FLT1: variants seen among roughly 807,000 people sequenced by gnomAD.
FLT1 encodes the protein fms related receptor tyrosine kinase 1, also known as vascular endothelial growth factor receptor 1.
Under a neutral mutation model 156.3 loss-of-function variants are expected in FLT1, and 49 were observed. That is an observed-to-expected ratio of 0.31 (90% CI 0.25 to 0.40). The LOEUF (loss-of-function observed/expected upper bound fraction) is 0.40. Ranked by LOEUF, FLT1 falls within the 10% of genes least tolerant of loss-of-function variation. The pLI is 1.00. For synonymous variants in FLT1, 594 were observed against 583.8 expected (o/e 1.02, Z -0.25); for missense variants, 1,322 against 1,637.2 (o/e 0.81, Z 3.32).
chr13:28,411,377 AC>A (rs918244301), intron 10 of FLT1, among the ~76,000 whole-genome samples: 1 of 151,534 alleles, frequency 6.6e-6, no homozygotes, highest in African/African-American at 2.4e-5. Flanking sequence ...ATATGGAGAA[AC>A]CCTGTCTCTA....
At chr13:28,385,927 T>C (rs1874333432) in intron 13 of FLT1, 5 of 1,052,000 alleles carry the variant, frequency 4.8e-6, no homozygotes, top group Admixed American at 5.5e-5. Flanking sequence ...GGGTACTGGA[T>C]TGGTAGCTAA....
intron 1 of FLT1, among the ~76,000 whole-genome samples, chr13:28,481,442 T>TATAC (rs1880842326): frequency 7.0e-6 from 1 of 142,568 alleles, no homozygotes; most frequent in African/African-American, 2.6e-5. Context: ...CCTCCGCTTA[T>TATAC]ACACACACAC....
In FLT1 at chr13:28,446,336, T is replaced by C. The variant is rs577401321; in HGVS notation, c.389-7991A>G. 2.6e-5 allele frequency among the ~76,000 whole-genome samples: 4 copies of C among 152,252 alleles called. No homozygotes were observed. In the South Asian group the frequency reaches 8.3e-4, roughly 32 times the overall value. On this transcript the variant is annotated intron_variant, in intron 3 of 29. Transcript: ENST00000282397. ...ATTGGGCAAGAAAAATAAATCCAGA[T>C]TGGGAAGATCAAAATGGTACAGGTA...
chr13:28,388,055 T>C, intron 13 of FLT1: 1 of 1,058,954 alleles, frequency 9.4e-7, no homozygotes, highest in Non-Finnish European at 1.1e-6. Flanking sequence ...TAGCAACTAT[T>C]AAGGCCCCCA....
chr13:28,304,956 T>G (rs953188161), intron 29 of FLT1, among the ~76,000 whole-genome samples: 5 of 152,246 alleles, frequency 3.3e-5, no homozygotes, highest in Admixed American at 3.3e-4. Context: ...AGGTTGTTTC[T>G]ACTTTTGGCT....
Position 28,477,792 on chromosome 13 carries a change from C to T in FLT1, c.65-10175G>A, listed in dbSNP as rs143463988. Among the ~76,000 whole-genome samples, 37 of 152,256 alleles carry T rather than the reference C, an allele frequency of 2.4e-4. No homozygotes were observed. In the East Asian group the frequency reaches 5.2e-3, roughly 21 times the overall value. On this transcript the variant is annotated intron_variant, in intron 1 of 29. Coordinates refer to ENST00000282397, the MANE Select transcript of FLT1 (RefSeq NM_002019.4). ...GGTCTGAGAGGAAACTGAGCTCTGA[C>T]GTCACGTCTTATAGAATGGATCATA...
At chr13:28,303,669 A>G (rs1360223906) in intron 29 of FLT1, among the ~76,000 whole-genome samples, 1 of 152,168 alleles carries the variant, frequency 6.6e-6, no homozygotes, top group African/African-American at 2.4e-5. Flanking sequence ...ACTTGGGTGC[A>G]GCCCTCTCCT....
rs2138840537 is a variant in FLT1 at position 28,329,711 on chromosome 13, C to T, written c.2611G>A (p.Glu871Lys). ...AGCTCAGTCATCAGAGCTTTGTACT[C>T]GCTGGCCGTGGCCCCCTCTGTGTGA... The part of the protein sequence containing the change: ...KMLKEGATAS[E>K]YKALMTELKI... The change falls in exon 19 of 30, where the codon GAG becomes AAG. Residue 871 changes from glutamate (E) to lysine (K), a missense_variant. Physicochemically the swap from Glu to Lys is moderately conservative, Grantham distance 56. Coordinates refer to ENST00000282397, the MANE Select transcript of FLT1 (RefSeq NM_002019.4). 1 of 1,614,046 alleles carries T rather than the reference C, an allele frequency of 6.2e-7. No homozygotes were observed. Among genetic ancestry groups the T allele is most frequent in the Non-Finnish European group, 8.5e-7 (1 of 1,179,940 alleles).
intron 15 of FLT1, among the ~76,000 whole-genome samples, chr13:28,351,004 C>G (rs1872721543): frequency 6.6e-6 from 1 of 151,794 alleles, no homozygotes; most frequent in Admixed American, 6.6e-5. Flanking sequence ...ACACCCCTTA[C>G]TCCAACCCTT....
chr13:28,393,070 A>G (rs981624044), intron 12 of FLT1, among the ~76,000 whole-genome samples: 1 of 152,176 alleles, frequency 6.6e-6, no homozygotes. Flanking sequence ...AAGTGAAAAC[A>G]AGAAATCTTC....
chr13:28,486,282 C>T (rs1209321944), intron 1 of FLT1, among the ~76,000 whole-genome samples: 3 of 152,248 alleles, frequency 2.0e-5, no homozygotes, highest in African/African-American at 7.2e-5. Context: ...GGGAGGCCAG[C>T]TCTGTCTCCA....
At chr13:28,333,006 C>T (rs1185407633) in intron 18 of FLT1, among the ~76,000 whole-genome samples, 9 of 152,304 alleles carry the variant, frequency 5.9e-5, no homozygotes, top group Admixed American at 4.6e-4. Context: ...TCCCAGACTA[C>T]TTTCAGAGCA....
Position 28,308,881 on chromosome 13 carries a change from A to G in FLT1, c.3682T>C (p.Phe1228Leu). 6.2e-7 allele frequency: 1 copy of G among 1,612,948 alleles called. No individual in the cohort carries two copies. The highest frequency in any genetic ancestry group is 8.5e-7 in the Non-Finnish European group (1 of 1,178,882). ...GTGGCATTCGGTAAAAGTTCTTCAA[A>G]GGTTTTGATTCTTTCCAGGCTCATG... is the stretch of plus-strand genomic sequence containing the variant. ...KFMSLERIKT[F>L]EELLPNATSM... The change falls in exon 28 of 30, where the codon TTT becomes CTT. Residue 1228 changes from phenylalanine (F) to leucine (L), a missense_variant. This residue lies in a region of FLT1 where 329 missense variants were observed against 366.2 expected (regional missense o/e 0.90). Transcript: ENST00000282397.
intron 25 of FLT1, among the ~76,000 whole-genome samples, chr13:28,314,026 A>G (rs1305261345): frequency 2.0e-5 from 3 of 152,068 alleles, no homozygotes. Flanking sequence ...GTGAGACTTT[A>G]TCTCCACAAA....
chr13:28,467,625 A>G lies in FLT1; in HGVS notation c.65-8T>C, dbSNP rs1466675240. ...TTGAACCTGAACTAGATCCTGAAAA[A>G]CAAATTTTTAAAATGTATTATTTGT... On this transcript the variant is annotated splice_polypyrimidine_tract_variant and splice_region_variant and intron_variant, in intron 1 of 29. Transcript: ENST00000282397. The G allele has an allele frequency of 2.0e-6, 3 of 1,491,484 alleles. No individual in the cohort carries two copies. Among genetic ancestry groups the G allele is most frequent in the Non-Finnish European group, 2.8e-6 (3 of 1,080,170 alleles). The allele number at this position is 1,491,484 out of a possible 1,614,324, so 92.4% of individuals were successfully genotyped here. A position where few individuals can be genotyped will look rare whatever the true frequency, so the allele number is the denominator to read the frequency against.
intron 11 of FLT1, among the ~76,000 whole-genome samples, chr13:28,399,605 T>G (rs1055028790): frequency 6.6e-6 from 1 of 152,132 alleles, no homozygotes; most frequent in Non-Finnish European, 1.5e-5. Flanking sequence ...CCCCAACAAA[T>G]AGTCAAATAG....
rs1327562860 is a variant in FLT1 at position 28,427,935 on chromosome 13, C to G, written c.1107-14G>C. 1 of 1,611,478 alleles carries G rather than the reference C, an allele frequency of 6.2e-7. No individual in the cohort carries two copies. Among genetic ancestry groups the G allele is most frequent in the Non-Finnish European group, 8.5e-7 (1 of 1,177,688 alleles). ...CCATCTTTTAACCTGTGGTTAAAAA[C>G]ATGATCAGTAAGTCATTTCACACGG... On this transcript the variant is annotated splice_polypyrimidine_tract_variant and intron_variant, in intron 8 of 29. Coordinates refer to ENST00000282397, the MANE Select transcript of FLT1 (RefSeq NM_002019.4).
rs745402186 is a variant in FLT1, at chr13:28,322,791, C to T, written c.2952G>A (p.Glu984=). 3 of 1,613,404 alleles carry T rather than the reference C, an allele frequency of 1.9e-6. No individual in the cohort carries two copies. The highest frequency in any genetic ancestry group is 1.7e-6 in the Non-Finnish European group (2 of 1,179,620). Reference sequence around the variant, plus strand: ...GGACAGGAAGGAATTAATACCTACCCTCCTCTTCCTCAACATCACTCAGAC... The same window carrying T: ...GGACAGGAAGGAATTAATACCTACCTTCCTCTTCCTCAACATCACTCAGAC... ...DKSLSDVEEE[E]DSDGFYKEPI... The change falls in exon 21 of 30, where the codon GAG becomes GAA. Residue 984 remains glutamate (E), a splice_region_variant and synonymous_variant. Coordinates refer to ENST00000282397, the MANE Select transcript of FLT1 (RefSeq NM_002019.4). This position sits in a 1 kb window ranked among gnomAD's most constrained non-coding sequence, Gnocchi z 4.3.
At chr13:28,308,063 C>T (rs994356161) in intron 28 of FLT1, among the ~76,000 whole-genome samples, 4 of 152,190 alleles carry the variant, frequency 2.6e-5, no homozygotes, top group Admixed American at 1.3e-4. Flanking sequence ...TGAGCCACTG[C>T]GCCCGGCCTC....
Sources: gnomAD v4.1 joint callset for allele counts (sites outside exome capture counted in the v4.1 genomes callset) on GRCh38, gnomAD v4.1.1 for gene constraint, gnomAD v4.1.1 regional missense constraint, Gnocchi (gnomAD v3.1) non-coding constraint, MANE v1.5 for transcripts, NCBI Gene and HGNC (gene_info 2026-07-23, HGNC 2026-07-21) for gene names.